The following MAGI2 variants were observed in gnomAD, a reference collection of about 807,000 sequenced individuals.
MAGI2 encodes membrane-associated guanylate kinase, WW and PDZ domain-containing protein 2.
A neutral mutation model predicts 133.3 loss-of-function variants in MAGI2; 35 were observed. That is an observed-to-expected ratio of 0.26 (90% CI 0.20 to 0.35). MAGI2 has a LOEUF of 0.35. Ranked by LOEUF, MAGI2 falls within the 10% of genes least tolerant of loss-of-function variation. The pLI, the probability that MAGI2 is intolerant of heterozygous loss-of-function variation, is 1.00. For missense variants in MAGI2, 1,636 were observed against 1,863.4 expected (o/e 0.88, Z 2.25); for synonymous variants, 729 against 710.6 (o/e 1.03, Z -0.41).
intron 1 of MAGI2, among the ~76,000 whole-genome samples, chr7:79,322,535 T>G (rs1018520458): frequency 1.1e-4 from 17 of 151,748 alleles, no homozygotes; most frequent in Non-Finnish European, 1.5e-5. Flanking sequence ...AATTAGGGCT[T>G]AGCACTTTGG....
At chr7:79,028,259 A>G (rs1280142630) in intron 1 of MAGI2, among the ~76,000 whole-genome samples, 14 of 22,056 alleles carry the variant, frequency 6.3e-4, no homozygotes, top group African/African-American at 1.9e-3. Flanking sequence ...ATATATATAT[A>G]TATATATATG....
At chr7:79,367,875 A>ATATATATATATATGTG (rs1342246318) in intron 1 of MAGI2, among the ~76,000 whole-genome samples, 4 of 122,076 alleles carry the variant, frequency 3.3e-5, no homozygotes, top group African/African-American at 1.4e-4. Context: ...ATATATATAT[A>ATATATATATATATGTG]TGTCATTGAC....
intron 2 of MAGI2, among the ~76,000 whole-genome samples, chr7:78,763,953 C>G (rs920449918): frequency 1.3e-5 from 2 of 152,068 alleles, no homozygotes; most frequent in Non-Finnish European, 2.9e-5. Context: ...TCAGGGTTCT[C>G]AACAGAGAAC....
At chr7:79,027,709 G>A (rs60010269) in intron 1 of MAGI2, among the ~76,000 whole-genome samples, 3,109 of 152,084 alleles carry the variant, frequency 0.02, 104 homozygotes, top group African/African-American at 0.071. Flanking sequence ...TATTTGAGAT[G>A]GTGGATATGA....
intron 21 of MAGI2, among the ~76,000 whole-genome samples, chr7:78,058,256 C>A (rs10224786): frequency 0.52 from 78,434 of 151,358 alleles, 20,995 homozygotes; most frequent in African/African-American, 0.66. Context: ...TATCACTGCT[C>A]ATGTGTCTCA....
At chr7:78,159,906 C>A in intron 16 of MAGI2, 119 bp downstream of exon 16, 1 of 1,299,374 alleles carries the variant, frequency 7.7e-7, no homozygotes, top group Non-Finnish European at 1.0e-6. Context: ...CAGCCTGTGG[C>A]TTTCAGGCTA....
chr7:78,377,279 C>T lies in MAGI2; in HGVS notation c.1046-8066G>A, dbSNP rs534375992. On this transcript the variant is annotated intron_variant, in intron 6 of 21. Transcript: ENST00000354212. Reference sequence around the variant, plus strand: ...AAGTAGGGATGTGAATGCTCCAATCCAGTGCAGCCAGCTAGTGCCAGAGTG... The same window carrying T: ...AAGTAGGGATGTGAATGCTCCAATCTAGTGCAGCCAGCTAGTGCCAGAGTG... Among the ~76,000 whole-genome samples the T allele has an allele frequency of 1.7e-4, 26 of 152,110 alleles. No homozygotes were observed. In the South Asian group the frequency reaches 5.2e-3, roughly 30 times the overall value.
At chr7:78,566,843 A>C (rs1331565914) in intron 3 of MAGI2, among the ~76,000 whole-genome samples, 1 of 152,148 alleles carries the variant, frequency 6.6e-6, no homozygotes, top group Admixed American at 6.5e-5. Flanking sequence ...GGCCTAAAAA[A>C]ATTCATGTAA....
intron 21 of MAGI2, among the ~76,000 whole-genome samples, chr7:78,072,327 T>C (rs1814798285): frequency 6.6e-6 from 1 of 152,226 alleles, no homozygotes; most frequent in African/African-American, 2.4e-5. Flanking sequence ...TAAAACCCAT[T>C]TAAATGTTTT....
chr7:78,336,680 G>T (rs1789799685), intron 9 of MAGI2, among the ~76,000 whole-genome samples: 1 of 151,964 alleles, frequency 6.6e-6, no homozygotes, highest in Non-Finnish European at 1.5e-5. Context: ...AGCTATGATT[G>T]TGCCACTACA....
chr7:78,466,478 C>T lies in MAGI2; in HGVS notation c.1045+23283G>A, dbSNP rs183454970. On this transcript the variant is annotated intron_variant, in intron 6 of 21. Coordinates refer to ENST00000354212, the MANE Select transcript of MAGI2 (RefSeq NM_012301.4). The stretch of plus-strand genomic sequence containing the variant: ...TTGTGAGGATTTATGTGTTTGCATG[C>T]GCCTAATTTAAGTGTGTTATTTTGA... Among the ~76,000 whole-genome samples, 3 of 152,230 alleles carry T rather than the reference C, an allele frequency of 2.0e-5. No homozygotes were observed. In the East Asian group the frequency reaches 5.8e-4, roughly 29 times the overall value.
At chr7:78,137,485 T>C (rs1822276114) in intron 16 of MAGI2, among the ~76,000 whole-genome samples, 2 of 152,230 alleles carry the variant, frequency 1.3e-5, no homozygotes, top group African/African-American at 4.8e-5. Flanking sequence ...GATATCACTA[T>C]TAAGGGGTAT....
chr7:78,853,332 C>CTTTTTTTGTT (rs1793313717), intron 2 of MAGI2, among the ~76,000 whole-genome samples: 1 of 25,052 alleles, frequency 4.0e-5, no homozygotes, highest in Non-Finnish European at 7.2e-5. Flanking sequence ...TCCATTCGTT[C>CTTTTTTTGTT]TTTTTTTTTT....
intron 2 of MAGI2, among the ~76,000 whole-genome samples, chr7:78,889,253 T>C (rs1009315903): frequency 2.6e-5 from 4 of 152,186 alleles, no homozygotes; most frequent in African/African-American, 9.7e-5. Context: ...CTACGTCTGA[T>C]TGGTGTACCT....
chr7:78,340,415 C>T (rs979994485), intron 9 of MAGI2, among the ~76,000 whole-genome samples: 2 of 152,008 alleles, frequency 1.3e-5, no homozygotes, highest in Non-Finnish European at 2.9e-5. Context: ...GAAACTATTC[C>T]AAACAATAGA....
intron 4 of MAGI2, among the ~76,000 whole-genome samples, chr7:78,504,433 TA>T (rs1169661962): frequency 6.6e-6 from 1 of 151,920 alleles, no homozygotes; most frequent in African/African-American, 2.4e-5. Flanking sequence ...TGGGGAAGAG[TA>T]GAGCAGGTAC....
At chr7:79,116,901 T>C (rs1162328141) in intron 1 of MAGI2, among the ~76,000 whole-genome samples, 2 of 152,168 alleles carry the variant, frequency 1.3e-5, no homozygotes, top group Non-Finnish European at 2.9e-5. Context: ...ACACTAGCAC[T>C]ATGCTGCCTG....
intron 1 of MAGI2, among the ~76,000 whole-genome samples, chr7:79,297,025 A>C (rs551778104): frequency 1.3e-5 from 2 of 152,312 alleles, no homozygotes; most frequent in East Asian, 1.9e-4. Context: ...GTCAGTTATA[A>C]ATAAAGTAAA....
At chr7:78,683,317 G>A (rs531521847) in intron 2 of MAGI2, among the ~76,000 whole-genome samples, 4 of 152,258 alleles carry the variant, frequency 2.6e-5, no homozygotes, top group East Asian at 3.9e-4. Context: ...AATAGAAACC[G>A]AAGAATGAGC....
Sources: gnomAD v4.1 joint callset for allele counts (sites outside exome capture counted in the v4.1 genomes callset) on GRCh38, gnomAD v4.1.1 for gene constraint, MANE v1.5 for transcripts, NCBI Gene and HGNC (gene_info 2026-07-23, HGNC 2026-07-21) for gene names.